The following HID1 variants were observed in gnomAD, a reference collection of about 807,000 sequenced individuals.
HID1 encodes the protein HID1 domain containing, also known as protein HID1.
HID1 carries 42 observed loss-of-function variants against 89.7 expected under a neutral mutation model. The ratio of observed to expected loss-of-function variants is 0.47; its 90% CI spans 0.37 to 0.61. HID1 has a LOEUF of 0.61. Among genes scored for constraint, HID1 ranks in the 20% least tolerant of loss-of-function variants. HID1 has a pLI of 0.00. For synonymous variants in HID1, 442 were observed against 433.8 expected (o/e 1.02, Z -0.24); for missense variants, 854 against 1,039.3 (o/e 0.82, Z 2.45).
intron 16 of HID1, 55 bp from the exon 17 acceptor site, chr17:74,952,415 G>T: frequency 7.3e-7 from 1 of 1,376,504 alleles, no homozygotes; most frequent in Non-Finnish European, 1.0e-6. Context: ...AGGCTGCGGG[G>T]CAAGCCTGAC....
chr17:74,960,570 C>T (rs1006989379), intron 6 of HID1, among the ~76,000 whole-genome samples: 10 of 152,236 alleles, frequency 6.6e-5, no homozygotes, highest in Admixed American at 5.9e-4. Context: ...TGACTCCACT[C>T]AGACTCAAGA....
At chr17:74,955,527 A>C (rs908514812) in intron 13 of HID1, among the ~76,000 whole-genome samples, 1 of 151,814 alleles carries the variant, frequency 6.6e-6, no homozygotes, top group African/African-American at 2.4e-5. Flanking sequence ...TCAGATGTCC[A>C]TCATCTGTTT....
At chr17:74,955,444 C>G (rs1309633517) in intron 13 of HID1, among the ~76,000 whole-genome samples, 2 of 151,786 alleles carry the variant, frequency 1.3e-5, no homozygotes, top group Admixed American at 1.3e-4. Context: ...GAGGTTGCAG[C>G]GAGCCAAGAT....
chr17:74,971,899 C>G (rs2039652910), intron 1 of HID1, among the ~76,000 whole-genome samples: 1 of 152,184 alleles, frequency 6.6e-6, no homozygotes, highest in Non-Finnish European at 1.5e-5. Context: ...AGCCAGAGAA[C>G]AGAGCACACA....
intron 1 of HID1, among the ~76,000 whole-genome samples, chr17:74,965,288 G>A (rs910553442): frequency 4.6e-5 from 7 of 152,108 alleles, no homozygotes; most frequent in African/African-American, 9.7e-5. Flanking sequence ...CGCATGCACC[G>A]AGGTGGCATC....
intron 1 of HID1, among the ~76,000 whole-genome samples, chr17:74,966,671 C>T (rs894232998): frequency 6.6e-6 from 1 of 152,076 alleles, no homozygotes; most frequent in Non-Finnish European, 1.5e-5. Context: ...ATTCTGGGGC[C>T]GGGCGTGGTG....
chr17:74,969,491 C>A (rs2144831757), intron 1 of HID1, among the ~76,000 whole-genome samples: 2 of 152,174 alleles, frequency 1.3e-5, no homozygotes, highest in African/African-American at 4.8e-5. Flanking sequence ...TAGCCAATAT[C>A]TGATCTTTGA....
In HID1 at chr17:74,952,105, G is replaced by A. The variant is rs767745268; in HGVS notation, c.2145-42C>T. 3.2e-6 allele frequency: 5 copies of A among 1,544,468 alleles called. No individual in the cohort carries two copies. In the South Asian group the frequency reaches 6.0e-5, roughly 19 times the overall value. On this transcript the variant is annotated intron_variant, in intron 17 of 18. Transcript: ENST00000425042. The stretch of plus-strand genomic sequence containing the variant: ...ATCTCCAGCACACTCACGTGGTCCA[G>A]GGGAGCACGGGGCTCACCCTGGCCA...
At position 74,959,803 on chromosome 17, in the gene HID1, G is replaced by T; in HGVS notation, c.1008+78C>A. 1 of 1,442,562 alleles carries T rather than the reference G, an allele frequency of 6.9e-7. No homozygotes were observed. The highest frequency in any genetic ancestry group is 9.7e-7 in the Non-Finnish European group (1 of 1,029,056). 89.4% of individuals were successfully genotyped at this position (1,442,562 alleles called of 1,614,324 possible). A position where few individuals can be genotyped will look rare whatever the true frequency, so the allele number is the denominator to read the frequency against. On this transcript the variant is annotated intron_variant, in intron 8 of 18. Coordinates refer to ENST00000425042, the MANE Select transcript of HID1 (RefSeq NM_030630.3). The surrounding 1 kb of genome is among the most constrained non-coding windows in gnomAD (Gnocchi z 4.6). Reference sequence around the variant, plus strand: ...ACAGAGAGCATGGTTCCTTCATGGAGGGGTCAGGATCCCCCATATCCCTGT... The same window carrying T: ...ACAGAGAGCATGGTTCCTTCATGGATGGGTCAGGATCCCCCATATCCCTGT...
Position 74,972,095 on chromosome 17 carries a change from G to A in HID1, c.66+496C>T, listed in dbSNP as rs998023992. 6.6e-6 allele frequency among the ~76,000 whole-genome samples: 1 copy of A among 152,178 alleles called. No individual in the cohort carries two copies. The highest frequency in any genetic ancestry group is 2.4e-5 in the African/African-American group (1 of 41,430). On this transcript the variant is annotated intron_variant, in intron 1 of 18. Coordinates refer to ENST00000425042, the MANE Select transcript of HID1 (RefSeq NM_030630.3). The surrounding 1 kb of genome is among the most constrained non-coding windows in gnomAD (Gnocchi z 6.4). ...CCACGGGCATCGACCAGGGCCCAGCGAGGCCGCTGCCGCGCACACCAGCTG... is the reference window on the plus strand; with the variant it reads ...CCACGGGCATCGACCAGGGCCCAGCAAGGCCGCTGCCGCGCACACCAGCTG...
chr17:74,958,952 C>T lies in HID1; in HGVS notation c.1108G>A (p.Glu370Lys). 1 of 1,604,918 alleles carries T rather than the reference C, an allele frequency of 6.2e-7. No individual in the cohort carries two copies. The highest frequency in any genetic ancestry group is 8.5e-7 in the Non-Finnish European group (1 of 1,176,946). Reference sequence around the variant, plus strand: ...AGCTTCCAGAAGAGAACTAGCAGCTCCTGGTGGAACTGGATCTTCTTGGTG... The same window carrying T: ...AGCTTCCAGAAGAGAACTAGCAGCTTCTGGTGGAACTGGATCTTCTTGGTG... ...NSTKKIQFHQELLVLFWKLCD... is the reference protein window; with the variant it reads ...NSTKKIQFHQKLLVLFWKLCD... The change falls in exon 9 of 19, where the codon GAG becomes AAG. Residue 370 changes from glutamate (E) to lysine (K), a missense_variant. Physicochemically the swap from Glu to Lys is moderately conservative, Grantham distance 56. Coordinates refer to ENST00000425042, the MANE Select transcript of HID1 (RefSeq NM_030630.3). The surrounding 1 kb of genome is among the most constrained non-coding windows in gnomAD (Gnocchi z 5.2).
Position 74,951,968 on chromosome 17 carries a change from T to C in HID1, c.2240A>G (p.Tyr747Cys). 6.4e-7 allele frequency: 1 copy of C among 1,562,756 alleles called. No homozygotes were observed. The highest frequency in any genetic ancestry group is 8.7e-7 in the Non-Finnish European group (1 of 1,153,908). ...CATGGCAGTGCCCGAGTTGGCCTGGTACTTGCGGATGAGGATGGGGTGGGG... is the reference window on the plus strand; with the variant it reads ...CATGGCAGTGCCCGAGTTGGCCTGGCACTTGCGGATGAGGATGGGGTGGGG... ...PVPHPILIRKYQANSGTAMWF... is the reference protein window; with the variant it reads ...PVPHPILIRKCQANSGTAMWF... The change falls in exon 18 of 19, where the codon TAC becomes TGC. Residue 747 changes from tyrosine (Y) to cysteine (C), a missense_variant. By Grantham distance (194) the Tyr-to-Cys change is radical. Transcript: ENST00000425042.
chr17:74,961,717 C>T (rs1401985643), intron 6 of HID1, 156 bp downstream of exon 6: 5 of 409,928 alleles, frequency 1.2e-5, no homozygotes, highest in Admixed American at 4.5e-5. Flanking sequence ...CAAGGAGAGA[C>T]GGGGCTAGTG....
chr17:74,953,280 C>A, intron 15 of HID1, among the ~76,000 whole-genome samples, 194 bp from the exon 16 acceptor site: 1 of 152,302 alleles, frequency 6.6e-6, no homozygotes, highest in South Asian at 2.1e-4. Flanking sequence ...CAGGGCAGGC[C>A]GGGTAAAGGC....
At position 74,959,988 on chromosome 17, in the gene HID1, G is replaced by A. The variant is rs1278757555; in HGVS notation, c.951+38C>T. 6.2e-7 allele frequency: 1 copy of A among 1,613,350 alleles called. No individual in the cohort carries two copies. The highest frequency in any genetic ancestry group is 1.7e-5 in the Admixed American group (1 of 60,022). On this transcript the variant is annotated intron_variant, in intron 7 of 18. Coordinates refer to ENST00000425042, the MANE Select transcript of HID1 (RefSeq NM_030630.3). The surrounding 1 kb of genome is among the most constrained non-coding windows in gnomAD (Gnocchi z 4.6). Reference sequence around the variant, plus strand: ...AGCAGGCGTCCTCCCCACAACCCGTGGCCCCGGCAGCTGTCCCTTCCATGC... The same window carrying A: ...AGCAGGCGTCCTCCCCACAACCCGTAGCCCCGGCAGCTGTCCCTTCCATGC...
In HID1 at chr17:74,956,202, A is replaced by G. The variant is rs141610026; in HGVS notation, c.1472-246T>C. Among the ~76,000 whole-genome samples, 410 of 152,148 alleles carry G rather than the reference A, an allele frequency of 2.7e-3. 1 individual carries two copies. The highest frequency in any genetic ancestry group is 9.6e-3 in the African/African-American group (398 of 41,484). ...AGCTGTCCTGCTTATAAAGCCATAC[A>G]CATCCCACCCATGCCAGTCCCCCCC... On this transcript the variant is annotated intron_variant, in intron 12 of 18. Coordinates refer to ENST00000425042, the MANE Select transcript of HID1 (RefSeq NM_030630.3).
chr17:74,957,610 TAAAA>T lies in HID1; in HGVS notation c.1471+527_1471+530del, dbSNP rs199526829. On this transcript the variant is annotated intron_variant, in intron 12 of 18. Coordinates refer to ENST00000425042, the MANE Select transcript of HID1 (RefSeq NM_030630.3). ...AAAAAATTGTTAAATTTTTTTTTTT[TAAAA>T]AAAGGCCAGATGCAGTGGCTCATGC... Among the ~76,000 whole-genome samples, 40 of 137,688 alleles carry T rather than the reference TAAAA, an allele frequency of 2.9e-4. No individual in the cohort carries two copies. In the East Asian group the frequency reaches 4.6e-3, roughly 16 times the overall value. The allele number at this position is 137,688 out of a possible 152,430, so 90.3% of individuals were successfully genotyped here.
In HID1 at chr17:74,954,348, A is replaced by G. The variant is rs1247200715; in HGVS notation, c.1654T>C (p.Tyr552His). 6.4e-7 allele frequency: 1 copy of G among 1,570,532 alleles called. No individual in the cohort carries two copies. The highest frequency in any genetic ancestry group is 1.4e-5 in the African/African-American group (1 of 73,994). Residue 552 changes from tyrosine to histidine, a missense_variant, in exon 14 of 19, where the codon TAC becomes CAC. Tyr to His is a moderately conservative substitution (Grantham distance 83). Coordinates refer to ENST00000425042, the MANE Select transcript of HID1 (RefSeq NM_030630.3). ...YQFDGNSNLV[Y>H]AIIRKRSIFH... The stretch of plus-strand genomic sequence containing the variant: ...ATGCTGCGCTTGCGGATGATGGCGT[A>G]GACCAGGTTGGAGTTGCCTGTGGGC...
At chr17:74,954,736 A>C (rs1282209590) in intron 13 of HID1, 5 of 292,380 alleles carry the variant, frequency 1.7e-5, no homozygotes, top group Non-Finnish European at 3.3e-5. Context: ...CCCCTCGAGC[A>C]AGGTGGCCAG....
Sources: allele counts gnomAD v4.1 joint callset (sites outside exome capture counted in the v4.1 genomes callset), GRCh38; gene constraint gnomAD v4.1.1; non-coding constraint Gnocchi (gnomAD v3.1); transcripts MANE v1.5; gene names NCBI Gene and HGNC (gene_info 2026-07-23, HGNC 2026-07-21).